Variants in APPBP2 observed in about 807,000 individuals in gnomAD.
APPBP2 encodes amyloid protein-binding protein 2.
Under a neutral mutation model 76.0 loss-of-function variants are expected in APPBP2, and 15 were observed. The ratio of observed to expected loss-of-function variants is 0.20; its 90% CI spans 0.13 to 0.30. The LOEUF is 0.30. APPBP2 is among the 10% of genes least tolerant of loss of function. The probability of loss-of-function intolerance (pLI) is 1.00; values close to 1 mark genes in which losing one functional copy is unlikely to be tolerated. For synonymous variants in APPBP2, 222 were observed against 242.2 expected (o/e 0.92, Z 0.77); for missense variants, 401 against 687.2 (o/e 0.58, Z 4.66).
intron 1 of APPBP2, among the ~76,000 whole-genome samples, chr17:60,512,093 TTTA>T (rs1036048957): frequency 3.4e-4 from 50 of 148,564 alleles, no homozygotes; most frequent in Admixed American, 8.6e-4. Flanking sequence ...GAGGTGTTTT[TTTA>T]TTATTATTAT....
In APPBP2 at chr17:60,494,568, C is replaced by T; in HGVS notation, c.277G>A (p.Val93Ile). The T allele has an allele frequency of 3.1e-6, 5 of 1,610,746 alleles. No individual in the cohort carries two copies. The highest frequency in any genetic ancestry group is 1.7e-4 in the Middle Eastern group (1 of 6,052). ...FQALMDHGVK[V>I]ASVLAYSFSR... The stretch of plus-strand genomic sequence containing the variant: ...AATGAGTAGGCCAAGACTGAAGCAA[C>T]TTTAACACCATGATCCATCAAAGCC... Residue 93 changes from valine to isoleucine, a missense_variant, in exon 3 of 13, where the codon GTT becomes ATT. Around this residue, in one of 5 missense-constraint regions of APPBP2, gnomAD observed 149 missense variants for 198.4 expected, o/e 0.75. Coordinates refer to ENST00000083182, the MANE Select transcript of APPBP2 (RefSeq NM_006380.5).
rs771271867 is a variant in APPBP2 at position 60,461,963 on chromosome 17, TA to T, written c.830+30del. The stretch of plus-strand genomic sequence containing the variant: ...TAGGATATAAAGTATAGAGACAATT[TA>T]AAAGGATATTTTTAATAATAATCAC... On this transcript the variant is annotated intron_variant, in intron 7 of 12. Transcript: ENST00000083182. 1.5e-5 allele frequency: 24 copies of T among 1,607,768 alleles called. No homozygotes were observed. The East Asian group carries it at 5.1e-4, about 34-fold the overall frequency.
intron 3 of APPBP2, among the ~76,000 whole-genome samples, chr17:60,488,139 T>C (rs1329195031): frequency 6.6e-6 from 1 of 152,196 alleles, no homozygotes; most frequent in African/African-American, 2.4e-5. Context: ...CAGCCCCTAC[T>C]GGGAGGTGTC....
intron 1 of APPBP2, chr17:60,513,088 C>A (rs1056364719): frequency 9.3e-6 from 2 of 214,668 alleles, no homozygotes; most frequent in Non-Finnish European, 1.8e-5. Flanking sequence ...GTTGATGTCC[C>A]ACCCCTGATG....
At chr17:60,499,868 C>T (rs2090808005) in intron 2 of APPBP2, among the ~76,000 whole-genome samples, 1 of 152,028 alleles carries the variant, frequency 6.6e-6, no homozygotes, top group Admixed American at 6.5e-5. Flanking sequence ...AGAAGTCAAA[C>T]TCATCTAAAG....
Position 60,447,827 on chromosome 17 carries a change from T to C in APPBP2, c.1512A>G (p.Lys504=). 6.4e-7 allele frequency: 1 copy of C among 1,561,122 alleles called. No homozygotes were observed. The highest frequency in any genetic ancestry group is 8.7e-7 in the Non-Finnish European group (1 of 1,156,038). The change falls in exon 13 of 13, where the codon AAA becomes AAG. Residue 504 remains lysine, a synonymous_variant. Coordinates refer to ENST00000083182, the MANE Select transcript of APPBP2 (RefSeq NM_006380.5). ...GTCCACTGTAGCCCTCACCAAAAAGTTTCTTCCCTGTAACAAAAAAGAAAA... is the reference window on the plus strand; with the variant it reads ...GTCCACTGTAGCCCTCACCAAAAAGCTTCTTCCCTGTAACAAAAAAGAAAA... ...LYLRSIAIGK[K]LFGEGYSGLE...
chr17:60,468,803 G>A (rs1327624551), intron 4 of APPBP2, among the ~76,000 whole-genome samples: 1 of 152,166 alleles, frequency 6.6e-6, no homozygotes, highest in African/African-American at 2.4e-5. Flanking sequence ...TGTAAACACA[G>A]TATTTTACTT....
In APPBP2 at chr17:60,443,310, C is replaced by G. The variant is rs564312184; in HGVS notation, c.*4271G>C. ...AGTTGGTGAGAATGATATGAAAGGT[C>G]ATCCTGACACAATGAAGAACCGTCT... On this transcript the variant is annotated 3_prime_UTR_variant, in exon 13 of 13. Transcript: ENST00000083182. 7.2e-5 allele frequency: 11 copies of G among 152,702 alleles called. No homozygotes were observed. The highest frequency in any genetic ancestry group is 2.6e-4 in the African/African-American group (11 of 41,540). The allele number at this position is 152,702 out of a possible 1,614,324, so 9.5% of individuals were successfully genotyped here. A position where few individuals can be genotyped will look rare whatever the true frequency, so the allele number is the denominator to read the frequency against.
At chr17:60,523,955 T>A (rs1479304455) in intron 1 of APPBP2, among the ~76,000 whole-genome samples, 1 of 152,144 alleles carries the variant, frequency 6.6e-6, no homozygotes, top group Non-Finnish European at 1.5e-5. Context: ...TTCTGAAGAT[T>A]AAACAAAATA....
chr17:60,524,438 G>A (rs746301549), intron 1 of APPBP2, among the ~76,000 whole-genome samples: 1 of 152,030 alleles, frequency 6.6e-6, no homozygotes, highest in African/African-American at 2.4e-5. Context: ...GTAAATCAAT[G>A]TATCAAAGGG....
chr17:60,491,898 A>G (rs1223522236), intron 3 of APPBP2, among the ~76,000 whole-genome samples: 4 of 152,332 alleles, frequency 2.6e-5, no homozygotes, highest in African/African-American at 9.6e-5. Context: ...GCTAATCTCC[A>G]AGACAATGGA....
intron 3 of APPBP2, among the ~76,000 whole-genome samples, chr17:60,483,297 C>T (rs115564857): frequency 0.082 from 12,520 of 152,056 alleles, 1,706 homozygotes; most frequent in African/African-American, 0.28. Flanking sequence ...CTTGTAAATT[C>T]GCTTAAGTTC....
In APPBP2 at chr17:60,446,197, G is replaced by T. The variant is rs1329301269; in HGVS notation, c.*1384C>A. 6.6e-6 allele frequency: 1 copy of T among 152,574 alleles called. No homozygotes were observed. Among genetic ancestry groups the T allele is most frequent in the Admixed American group, 6.5e-5 (1 of 15,276 alleles). 9.5% of individuals were successfully genotyped at this position (152,574 alleles called of 1,614,324 possible). A position where few individuals can be genotyped will look rare whatever the true frequency, so the allele number is the denominator to read the frequency against. ...GGAACCCAGATTCTTAACTATAGAAGCATCAGATGGGCTACTACAGTAAGA... is the reference window on the plus strand; with the variant it reads ...GGAACCCAGATTCTTAACTATAGAATCATCAGATGGGCTACTACAGTAAGA... On this transcript the variant is annotated 3_prime_UTR_variant, in exon 13 of 13. Coordinates refer to ENST00000083182, the MANE Select transcript of APPBP2 (RefSeq NM_006380.5).
At chr17:60,462,114 A>T in intron 6 of APPBP2, 53 bp from the exon 7 acceptor site, 1 of 1,347,478 alleles carries the variant, frequency 7.4e-7, no homozygotes, top group Non-Finnish European at 1.1e-6. Context: ...TAGTGTGCTA[A>T]AATACGTGTA....
At chr17:60,463,009 T>C (rs1011497023) in intron 6 of APPBP2, among the ~76,000 whole-genome samples, 3 of 151,942 alleles carry the variant, frequency 2.0e-5, no homozygotes, top group African/African-American at 7.2e-5. Flanking sequence ...TATTATGTTG[T>C]CTTTATATTA....
intron 1 of APPBP2, among the ~76,000 whole-genome samples, chr17:60,523,605 G>A (rs888598770): frequency 1.3e-5 from 2 of 152,190 alleles, no homozygotes; most frequent in Non-Finnish European, 2.9e-5. Context: ...GAGGCAGGAG[G>A]ATAGCTTGAG....
At chr17:60,508,418 G>A (rs1046882638) in intron 1 of APPBP2, among the ~76,000 whole-genome samples, 6 of 151,878 alleles carry the variant, frequency 4.0e-5, no homozygotes, top group African/African-American at 1.5e-4. Context: ...AATAACTTTT[G>A]GATAAATAGC....
chr17:60,507,226 CT>C (rs72163217), intron 1 of APPBP2, among the ~76,000 whole-genome samples: 28,336 of 141,020 alleles, frequency 0.2, 9,215 homozygotes, highest in African/African-American at 0.7. Context: ...TTTCTTTTTT[CT>C]TTTTTTTTTT....
intron 5 of APPBP2, 97 bp downstream of exon 5, chr17:60,466,194 A>T: frequency 8.2e-7 from 1 of 1,214,324 alleles, no homozygotes; most frequent in East Asian, 2.4e-5. Flanking sequence ...AATATGTAAA[A>T]GAGATCTGTA....
Sources: allele counts gnomAD v4.1 joint callset (sites outside exome capture counted in the v4.1 genomes callset), GRCh38; gene constraint gnomAD v4.1.1; regional missense constraint gnomAD v4.1.1; transcripts MANE v1.5; gene names NCBI Gene and HGNC (gene_info 2026-07-23, HGNC 2026-07-21).